MRRF: variants seen among roughly 807,000 people sequenced by gnomAD.
MRRF encodes mitochondrial ribosome recycling factor.
Under a neutral mutation model 25.1 loss-of-function variants are expected in MRRF, and 18 were observed. The observed-to-expected ratio is 0.72, with a 90% confidence interval of 0.50 to 1.06. The LOEUF is 1.06. Among genes scored for constraint, MRRF ranks in the 50% least tolerant of loss-of-function variants. MRRF has a pLI of 0.00. For missense variants in MRRF, 323 were observed against 319.3 expected (o/e 1.01, Z -0.09); for synonymous variants, 113 against 112.1 (o/e 1.01, Z -0.05).
chr9:122,313,563 G>A (rs1835332498), intron 6 of MRRF, among the ~76,000 whole-genome samples, 177 bp downstream of exon 6: 2 of 152,188 alleles, frequency 1.3e-5, no homozygotes, highest in South Asian at 4.1e-4. Flanking sequence ...GATCCATAGA[G>A]GAGGATAAGA....
At chr9:122,274,128 T>C (rs995857976) in intron 2 of MRRF, among the ~76,000 whole-genome samples, 1 of 152,204 alleles carries the variant, frequency 6.6e-6, no homozygotes, top group Non-Finnish European at 1.5e-5. Flanking sequence ...TGAATAAATG[T>C]GACTGGTGAT....
rs1227222621 is a variant in MRRF at position 122,291,434 on chromosome 9, C to T, written c.460-315C>T. The stretch of plus-strand genomic sequence containing the variant: ...AATCTTTGCAGAGACCAGCCCCCCT[C>T]CCTTGAGGATTTATTGTGGTTTTGA... On this transcript the variant is annotated intron_variant, in intron 4 of 6. Coordinates refer to ENST00000344641, the MANE Select transcript of MRRF (RefSeq NM_138777.5). Among the ~76,000 whole-genome samples the T allele has an allele frequency of 3.9e-5, 6 of 152,240 alleles. No individual in the cohort carries two copies. In the East Asian group the frequency reaches 1.2e-3, roughly 29 times the overall value.
At chr9:122,321,494 C>A (rs555097816) in intron 6 of MRRF, among the ~76,000 whole-genome samples, 1 of 152,040 alleles carries the variant, frequency 6.6e-6, no homozygotes, top group Non-Finnish European at 1.5e-5. Flanking sequence ...TTTTTCAGAT[C>A]CTGTTCATGT....
intron 1 of MRRF, among the ~76,000 whole-genome samples, chr9:122,268,079 C>A (rs1484440018): frequency 6.6e-6 from 1 of 152,192 alleles, no homozygotes; most frequent in African/African-American, 2.4e-5. Flanking sequence ...AATTCTTTAT[C>A]TGTGCTGAAC....
chr9:122,283,237 G>A (rs1339788730), intron 3 of MRRF, among the ~76,000 whole-genome samples: 1 of 151,844 alleles, frequency 6.6e-6, no homozygotes, highest in Non-Finnish European at 1.5e-5. Context: ...GGGATTATAG[G>A]TGCCCACCAC....
At chr9:122,288,263 C>T (rs934602077) in intron 4 of MRRF, among the ~76,000 whole-genome samples, 6 of 152,250 alleles carry the variant, frequency 3.9e-5, no homozygotes, top group East Asian at 1.9e-4. Context: ...TAAAAAACCA[C>T]GCACAACTCT....
At position 122,322,927 on chromosome 9, in the gene MRRF, C is replaced by T. The variant is rs1380202993; in HGVS notation, c.*310C>T. ...ATTGGCAGGCTTAGTACCACCTGCT[C>T]CTCATCTTAGGAGTCTCCTTTTCAA... On this transcript the variant is annotated 3_prime_UTR_variant, in exon 7 of 7. Coordinates refer to ENST00000344641, the MANE Select transcript of MRRF (RefSeq NM_138777.5). 4.2e-6 allele frequency: 2 copies of T among 480,704 alleles called. No individual in the cohort carries two copies. The highest frequency in any genetic ancestry group is 7.6e-6 in the Non-Finnish European group (2 of 262,324). 29.8% of individuals were successfully genotyped at this position (480,704 alleles called of 1,614,324 possible).
chr9:122,271,073 A>G lies in MRRF; in HGVS notation c.182A>G (p.Lys61Arg), dbSNP rs1334468859. ...PVRHFATKKAKAKGKGQSQTR... is the reference protein window; with the variant it reads ...PVRHFATKKARAKGKGQSQTR... ...CGCCATTTTGCTACCAAGAAAGCCA[A>G]AGGTAGAGACATGTGACGTTCTCTC... Residue 61 changes from lysine (K) to arginine (R), a missense_variant and splice_region_variant, in exon 2 of 7, where the codon AAA (lysine) becomes AGA (arginine). Transcript: ENST00000344641. 2 of 1,613,950 alleles carry G rather than the reference A, an allele frequency of 1.2e-6. No individual in the cohort carries two copies. Among genetic ancestry groups the G allele is most frequent in the East Asian group, 4.5e-5 (2 of 44,876 alleles).
At chr9:122,320,669 G>A (rs1256475812) in intron 6 of MRRF, among the ~76,000 whole-genome samples, 1 of 152,222 alleles carries the variant, frequency 6.6e-6, no homozygotes, top group Non-Finnish European at 1.5e-5. Flanking sequence ...TGCTTTTCTA[G>A]CTGAAAAAAT....
chr9:122,296,140 G>GT (rs1206906809), intron 5 of MRRF, among the ~76,000 whole-genome samples: 253 of 148,972 alleles, frequency 1.7e-3, no homozygotes, highest in Admixed American at 2.7e-3. Flanking sequence ...CTGTTTGCGA[G>GT]TTTTTTTTTT....
chr9:122,304,099 A>ACACC (rs1397120349), intron 5 of MRRF, among the ~76,000 whole-genome samples: 1 of 147,344 alleles, frequency 6.8e-6, no homozygotes, highest in Non-Finnish European at 1.5e-5. Flanking sequence ...ACACACACAC[A>ACACC]CCCTTTAGGG....
intron 5 of MRRF, among the ~76,000 whole-genome samples, chr9:122,297,185 C>T (rs553990948): frequency 8.7e-4 from 132 of 152,122 alleles, no homozygotes; most frequent in African/African-American, 3.0e-3. Context: ...TGGTGGCGTG[C>T]GCCTGTAATC....
chr9:122,289,845 T>C (rs546194772), intron 4 of MRRF, among the ~76,000 whole-genome samples: 2 of 151,878 alleles, frequency 1.3e-5, no homozygotes, highest in Admixed American at 6.6e-5. Context: ...TTGGGCAACA[T>C]GGTGAGACTC....
intron 5 of MRRF, among the ~76,000 whole-genome samples, chr9:122,299,297 T>C (rs963957363): frequency 1.3e-5 from 2 of 151,660 alleles, no homozygotes; most frequent in African/African-American, 4.8e-5. Context: ...GGATTTTTAG[T>C]AGAGATGGGA....
chr9:122,312,374 GT>G (rs1263079932), intron 5 of MRRF, among the ~76,000 whole-genome samples: 2 of 152,176 alleles, frequency 1.3e-5, no homozygotes, highest in East Asian at 3.8e-4. Flanking sequence ...AAGGATTTAC[GT>G]AAATACAACT....
chr9:122,325,634 GTGTGT>G lies in MRRF; in HGVS notation c.*3018_*3022del, dbSNP rs1836113889. ...TTTGAGAATTTTTTTCCTGTCTGGT[GTGTGT>G]GTGTGTGTGTGTGTGTGTGTGTGTG... On this transcript the variant is annotated 3_prime_UTR_variant, in exon 7 of 7. Transcript: ENST00000344641. 1 of 13,392 alleles carries G rather than the reference GTGTGT, an allele frequency of 7.5e-5. No individual in the cohort carries two copies. The highest frequency in any genetic ancestry group is 2.0e-4 in the Non-Finnish European group (1 of 5,088). The allele number at this position is 13,392 out of a possible 1,614,324, so 0.8% of individuals were successfully genotyped here. A position where few individuals can be genotyped will look rare whatever the true frequency, so the allele number is the denominator to read the frequency against.
Position 122,313,206 on chromosome 9 carries a change from ATGTCTTT to A in MRRF, c.552-12_552-6del. 6.2e-7 allele frequency: 1 copy of A among 1,612,552 alleles called. No individual in the cohort carries two copies. Among genetic ancestry groups the A allele is most frequent in the Non-Finnish European group, 8.5e-7 (1 of 1,178,952 alleles). On this transcript the variant is annotated splice_polypyrimidine_tract_variant and intron_variant, in intron 5 of 6. Transcript: ENST00000344641. Reference sequence around the variant, plus strand: ...TTAATGTATAGAATGATTTTGTTGAATGTCTTTTGTCTTTTATCAGAGTAACCAGAGA... The same window carrying A: ...TTAATGTATAGAATGATTTTGTTGAATGTCTTTTATCAGAGTAACCAGAGA...
At chr9:122,320,692 C>T (rs1374264416) in intron 6 of MRRF, among the ~76,000 whole-genome samples, 1 of 152,230 alleles carries the variant, frequency 6.6e-6, no homozygotes, top group East Asian at 1.9e-4. Flanking sequence ...ACAGCTGTTG[C>T]TATGGTGAGA....
intron 2 of MRRF, among the ~76,000 whole-genome samples, chr9:122,279,134 G>A (rs1299454903): frequency 2.6e-5 from 4 of 152,090 alleles, no homozygotes; most frequent in Non-Finnish European, 5.9e-5. Context: ...GCCCCACAAA[G>A]TGCTGGGATT....
Sources: gnomAD v4.1 joint callset for allele counts (sites outside exome capture counted in the v4.1 genomes callset) on GRCh38, gnomAD v4.1.1 for gene constraint, MANE v1.5 for transcripts, NCBI Gene and HGNC (gene_info 2026-07-23, HGNC 2026-07-21) for gene names.